NBEA: variants seen among roughly 807,000 people sequenced by gnomAD.
The protein encoded by NBEA is neurobeachin.
Under a neutral mutation model 343.4 loss-of-function variants are expected in NBEA, and 44 were observed. That is an observed-to-expected ratio of 0.13 (90% CI 0.10 to 0.16). The LOEUF is 0.16. Among genes scored for constraint, NBEA ranks in the 10% least tolerant of loss-of-function variants. The probability of loss-of-function intolerance (pLI) is 1.00; values close to 1 mark genes in which losing one functional copy is unlikely to be tolerated. For synonymous variants in NBEA, 1,175 were observed against 1,238.7 expected, an observed-to-expected ratio of 0.95 and a Z score of 1.08; for missense variants, 2,555 against 3,631.3, an observed-to-expected ratio of 0.70 and a Z score of 7.62.
At chr13:35,582,129 A>G (rs887020198) in intron 45 of NBEA, among the ~76,000 whole-genome samples, 2 of 151,926 alleles carry the variant, frequency 1.3e-5, no homozygotes, top group Non-Finnish European at 2.9e-5. Context: ...TACTAAAAAT[A>G]CAAAAAATTA....
At chr13:35,470,780 G>T (rs1009820870) in intron 40 of NBEA, among the ~76,000 whole-genome samples, 6 of 152,216 alleles carry the variant, frequency 3.9e-5, no homozygotes, top group Admixed American at 2.0e-4. Context: ...CCAAGCGCGC[G>T]CACAGACCCT....
intron 31 of NBEA, among the ~76,000 whole-genome samples, chr13:35,203,317 C>A (rs1045935471): frequency 1.3e-5 from 2 of 152,132 alleles, no homozygotes; most frequent in African/African-American, 4.8e-5. Flanking sequence ...TGTACTGTTA[C>A]CTCTGCCTGT....
chr13:35,416,245 G>T (rs572278559), intron 38 of NBEA, among the ~76,000 whole-genome samples: 4 of 152,134 alleles, frequency 2.6e-5, no homozygotes, highest in Non-Finnish European at 5.9e-5. Flanking sequence ...TTGCCTGATT[G>T]CCCTGGCCAG....
chr13:35,311,850 G>T (rs556125268), intron 36 of NBEA, among the ~76,000 whole-genome samples: 11 of 151,700 alleles, frequency 7.3e-5, no homozygotes, highest in African/African-American at 2.7e-4. Flanking sequence ...GCGAGACTTC[G>T]TCCCCCCACC....
chr13:35,428,854 C>G (rs959930329), intron 38 of NBEA, among the ~76,000 whole-genome samples: 3 of 152,102 alleles, frequency 2.0e-5, no homozygotes, highest in Non-Finnish European at 2.9e-5. Flanking sequence ...TTTAGACTTC[C>G]TGTAACATTG....
intron 41 of NBEA, among the ~76,000 whole-genome samples, chr13:35,538,755 T>C (rs1020693721): frequency 6.6e-6 from 1 of 152,236 alleles, no homozygotes; most frequent in African/African-American, 2.4e-5. Context: ...ATTTTCTACC[T>C]GTGGCCTCAT....
intron 38 of NBEA, among the ~76,000 whole-genome samples, chr13:35,399,541 A>G (rs1459398131): frequency 6.6e-6 from 1 of 152,114 alleles, no homozygotes; most frequent in Non-Finnish European, 1.5e-5. Context: ...TAATCCAGTC[A>G]TTACAGGTCC....
At chr13:35,163,373 G>T (rs2069721638) in intron 23 of NBEA, among the ~76,000 whole-genome samples, 1 of 151,818 alleles carries the variant, frequency 6.6e-6, no homozygotes, top group South Asian at 2.1e-4. Context: ...AACAGTTCAG[G>T]CTAGGTGTGG....
chr13:35,427,725 T>C (rs142522512), intron 38 of NBEA, among the ~76,000 whole-genome samples: 6,963 of 152,300 alleles, frequency 0.046, 202 homozygotes, highest in African/African-American at 0.063. Context: ...GTGCCCTGCC[T>C]GCAGAAGTGG....
At chr13:35,135,136 C>G (rs1219434351) in intron 17 of NBEA, among the ~76,000 whole-genome samples, 1 of 152,014 alleles carries the variant, frequency 6.6e-6, no homozygotes, top group Non-Finnish European at 1.5e-5. Context: ...CACTAGTAAT[C>G]ACCAACAAAC....
intron 49 of NBEA, among the ~76,000 whole-genome samples, chr13:35,630,732 G>A (rs1350928659): frequency 6.6e-6 from 1 of 151,994 alleles, no homozygotes; most frequent in African/African-American, 2.4e-5. Context: ...CGCATACCTG[G>A]AATACTCTTA....
chr13:35,302,790 A>G (rs1214354757), intron 35 of NBEA, among the ~76,000 whole-genome samples: 1 of 152,180 alleles, frequency 6.6e-6, no homozygotes, highest in Non-Finnish European at 1.5e-5. Context: ...TGACAATTGC[A>G]CCATCTATTT....
intron 35 of NBEA, among the ~76,000 whole-genome samples, chr13:35,304,331 C>CTCTG (rs1555360196): frequency 0.015 from 2,165 of 148,976 alleles, 49 homozygotes; most frequent in East Asian, 0.1. Flanking sequence ...AAGCAATTCT[C>CTCTG]TGTGTGTGTG....
chr13:35,148,263 A>AG (rs939131768), intron 18 of NBEA, among the ~76,000 whole-genome samples: 3 of 152,198 alleles, frequency 2.0e-5, no homozygotes, highest in Non-Finnish European at 2.9e-5. Flanking sequence ...GTTGCATGCA[A>AG]GGGGGTTTAA....
At chr13:35,606,813 T>A (rs2082298896) in intron 48 of NBEA, among the ~76,000 whole-genome samples, 3 of 152,214 alleles carry the variant, frequency 2.0e-5, no homozygotes, top group African/African-American at 7.2e-5. Flanking sequence ...TTCAGTTATG[T>A]TTGCTCCTTT....
At chr13:35,386,732 T>G (rs1318583665) in intron 38 of NBEA, among the ~76,000 whole-genome samples, 1 of 152,196 alleles carries the variant, frequency 6.6e-6, no homozygotes, top group African/African-American at 2.4e-5. Flanking sequence ...CTGAATTTCA[T>G]TTGATCATTT....
Position 34,986,188 on chromosome 13 carries a change from CT to C in NBEA, c.294+43075del, listed in dbSNP as rs555627877. 7.6e-3 allele frequency among the ~76,000 whole-genome samples: 1,151 copies of C among 150,744 alleles called. 25 individuals are homozygous for C. The highest frequency in any genetic ancestry group is 0.026 in the African/African-American group (1,089 of 41,380). On this transcript the variant is annotated intron_variant, in intron 1 of 58. Coordinates refer to ENST00000379939, the MANE Select transcript of NBEA (RefSeq NM_001385012.1). ...TGGGCATTTAGTGCTATAAATTTCC[CT>C]CTACACACTGCTTTAAATGTGCCAC...
intron 38 of NBEA, among the ~76,000 whole-genome samples, chr13:35,357,292 T>C (rs1237428419): frequency 6.6e-6 from 1 of 152,016 alleles, no homozygotes; most frequent in Admixed American, 6.6e-5. Flanking sequence ...TTTGTTTTTC[T>C]TTTTTGTTGT....
intron 38 of NBEA, among the ~76,000 whole-genome samples, chr13:35,402,137 C>T (rs1450338611): frequency 1.3e-5 from 2 of 151,868 alleles, no homozygotes; most frequent in South Asian, 2.1e-4. Flanking sequence ...ATATTTCAGA[C>T]ATTTTAATAT....
Sources: allele counts gnomAD v4.1 joint callset (sites outside exome capture counted in the v4.1 genomes callset), GRCh38; gene constraint gnomAD v4.1.1; transcripts MANE v1.5; gene names NCBI Gene and HGNC (gene_info 2026-07-23, HGNC 2026-07-21).